VWA3B: variants seen among roughly 807,000 people sequenced by gnomAD.
VWA3B encodes the protein von Willebrand factor A domain-containing protein 3B.
In VWA3B, 138 loss-of-function variants were observed where a neutral mutation model predicts 158.3. The ratio of observed to expected loss-of-function variants is 0.87; its 90% CI spans 0.76 to 1.00. The LOEUF is 1.00. VWA3B is among the 50% of genes least tolerant of loss of function. The probability of loss-of-function intolerance (pLI) is 0.00; values close to 1 mark genes in which losing one functional copy is unlikely to be tolerated. For missense variants in VWA3B, 1,555 were observed against 1,565.1 expected (o/e 0.99, Z 0.11); for synonymous variants, 596 against 587.3 (o/e 1.01, Z -0.21).
intron 2 of VWA3B, among the ~76,000 whole-genome samples, chr2:98,104,334 C>A (rs1683280679): frequency 6.6e-6 from 1 of 152,176 alleles, no homozygotes; most frequent in South Asian, 2.1e-4. Flanking sequence ...CTGGTGAGGG[C>A]CTCAGGAAGC....
At chr2:98,185,778 T>C (rs1256499939) in intron 9 of VWA3B, among the ~76,000 whole-genome samples, 1 of 152,214 alleles carries the variant, frequency 6.6e-6, no homozygotes, top group Non-Finnish European at 1.5e-5. Context: ...CACTCGTTTA[T>C]TCACTCTCCC....
intron 21 of VWA3B, among the ~76,000 whole-genome samples, chr2:98,267,081 A>G (rs1431770621): frequency 6.6e-6 from 1 of 151,768 alleles, no homozygotes; most frequent in Non-Finnish European, 1.5e-5. Flanking sequence ...TTCCAACACT[A>G]TGTTGAATAG....
chr2:98,238,855 G>C (rs886491419), intron 19 of VWA3B, among the ~76,000 whole-genome samples: 1 of 151,770 alleles, frequency 6.6e-6, no homozygotes, highest in African/African-American at 2.4e-5. Flanking sequence ...CATACCATAA[G>C]GGAATGAGAA....
chr2:98,200,583 C>G (rs1682455254), intron 12 of VWA3B, among the ~76,000 whole-genome samples: 1 of 150,238 alleles, frequency 6.7e-6, no homozygotes, highest in Admixed American at 6.6e-5. Flanking sequence ...TTCATGTATT[C>G]TGCACATAAA....
intron 7 of VWA3B, among the ~76,000 whole-genome samples, chr2:98,134,880 A>G (rs1297174066): frequency 6.6e-6 from 1 of 151,866 alleles, no homozygotes; most frequent in Non-Finnish European, 1.5e-5. Flanking sequence ...TGTTCCTGAC[A>G]CACACTTTGT....
chr2:98,237,869 G>A (rs1685806680), intron 19 of VWA3B, among the ~76,000 whole-genome samples: 2 of 152,290 alleles, frequency 1.3e-5, no homozygotes, highest in South Asian at 2.1e-4. Flanking sequence ...AATTGGGGTG[G>A]TGGAGTAGTG....
At chr2:98,187,295 A>G (rs1192863799) in intron 9 of VWA3B, among the ~76,000 whole-genome samples, 1 of 152,078 alleles carries the variant, frequency 6.6e-6, no homozygotes, top group Non-Finnish European at 1.5e-5. Context: ...AGCTCCATGA[A>G]GGCAGGGGTT....
chr2:98,133,741 G>T, intron 6 of VWA3B, 83 bp from the exon 7 acceptor site: 1 of 1,183,016 alleles, frequency 8.5e-7, no homozygotes, highest in Non-Finnish European at 1.2e-6. Flanking sequence ...CTGCCGAAGA[G>T]CACGTTCAGT....
intron 8 of VWA3B, among the ~76,000 whole-genome samples, chr2:98,170,101 T>G (rs1486036406): frequency 2.0e-5 from 3 of 152,118 alleles, no homozygotes; most frequent in African/African-American, 7.2e-5. Flanking sequence ...CATTCCAGCC[T>G]GGGTGACAGA....
At chr2:98,268,265 G>A (rs1327309998) in intron 21 of VWA3B, among the ~76,000 whole-genome samples, 1 of 151,916 alleles carries the variant, frequency 6.6e-6, no homozygotes, top group Non-Finnish European at 1.5e-5. Context: ...CAATATCCTT[G>A]ATGAACATTG....
At chr2:98,267,549 G>A (rs1261086368) in intron 21 of VWA3B, among the ~76,000 whole-genome samples, 2 of 151,980 alleles carry the variant, frequency 1.3e-5, no homozygotes, top group African/African-American at 4.8e-5. Flanking sequence ...AGTGTGTAGA[G>A]GGAAATTTAT....
intron 1 of VWA3B, among the ~76,000 whole-genome samples, chr2:98,090,905 A>C (rs1322191478): frequency 6.6e-6 from 1 of 151,076 alleles, no homozygotes; most frequent in Non-Finnish European, 1.5e-5. Flanking sequence ...ACAGGCATGC[A>C]CCACCATGCC....
chr2:98,174,444 A>C (rs1173090190), intron 8 of VWA3B, among the ~76,000 whole-genome samples: 1 of 152,192 alleles, frequency 6.6e-6, no homozygotes, highest in African/African-American at 2.4e-5. Context: ...CCCCAGTTAC[A>C]AAGCTTTCTT....
At chr2:98,327,016 C>G in the VWA3B span, among the ~76,000 whole-genome samples, 1 of 151,354 alleles carries the variant, frequency 6.6e-6, no homozygotes, top group Non-Finnish European at 1.5e-5. Flanking sequence ...AAAAGTAGGC[C>G]AGGTGCAGAG....
At chr2:98,170,873 G>A (rs1196747462) in intron 8 of VWA3B, among the ~76,000 whole-genome samples, 2 of 152,150 alleles carry the variant, frequency 1.3e-5, no homozygotes, top group Non-Finnish European at 2.9e-5. Context: ...CCAAAGTGCT[G>A]GGATTACAGG....
rs561113208 is a variant in VWA3B at position 98,115,373 on chromosome 2, A to C, written c.197-279A>C. On this transcript the variant is annotated intron_variant, in intron 2 of 27. Coordinates refer to ENST00000477737, the MANE Select transcript of VWA3B (RefSeq NM_144992.5). ...ATGAGTTGATGGTTGCAGCAAACCA[A>C]CATGTCACATGTATACATATGTAAC... is the stretch of plus-strand genomic sequence containing the variant. 4.6e-5 allele frequency among the ~76,000 whole-genome samples: 7 copies of C among 152,166 alleles called. No homozygotes were observed. In the South Asian group the frequency reaches 1.4e-3, roughly 32 times the overall value.
Position 98,225,154 on chromosome 2 carries a change from G to A in VWA3B, c.2020-3048G>A, listed in dbSNP as rs571998841. 2.0e-5 allele frequency among the ~76,000 whole-genome samples: 3 copies of A among 152,274 alleles called. No homozygotes were observed. In the East Asian group the frequency reaches 5.8e-4, roughly 29 times the overall value. On this transcript the variant is annotated intron_variant, in intron 14 of 27. Coordinates refer to ENST00000477737, the MANE Select transcript of VWA3B (RefSeq NM_144992.5). ...TCCCCATGTTGGCCAGGCTGATCTC[G>A]AACTCCTGACTTCATGTGATCCACC...
intron 9 of VWA3B, among the ~76,000 whole-genome samples, chr2:98,186,959 ACTCT>A (rs1681122531): frequency 6.8e-6 from 1 of 147,434 alleles, no homozygotes; most frequent in Non-Finnish European, 1.5e-5. Flanking sequence ...GGCTTCTCTC[ACTCT>A]CTCTTCCCTC....
At chr2:98,234,419 G>A (rs1685539577) in intron 16 of VWA3B, among the ~76,000 whole-genome samples, 1 of 152,214 alleles carries the variant, frequency 6.6e-6, no homozygotes, top group African/African-American at 2.4e-5. Context: ...TCTGCCAGCA[G>A]CCTGAATGAG....
Sources: allele counts gnomAD v4.1 joint callset (sites outside exome capture counted in the v4.1 genomes callset), GRCh38; gene constraint gnomAD v4.1.1; transcripts MANE v1.5; gene names NCBI Gene and HGNC (gene_info 2026-07-23, HGNC 2026-07-21).